The following DIRAS1 variants were observed in gnomAD, a reference collection of about 807,000 sequenced individuals.
DIRAS1 encodes the protein GTP-binding protein Di-Ras1.
Under a neutral mutation model 11.5 loss-of-function variants are expected in DIRAS1, and 3 were observed. That is an observed-to-expected ratio of 0.26 (90% confidence interval 0.12 to 0.67). The LOEUF is 0.67. Among genes scored for constraint, DIRAS1 ranks in the 30% least tolerant of loss-of-function variants. DIRAS1 has a pLI of 0.80. For missense variants in DIRAS1, 212 were observed against 285.3 expected, an observed-to-expected ratio of 0.74 and a Z score of 1.85; for synonymous variants, 128 against 125.8, an observed-to-expected ratio of 1.02 and a Z score of -0.12.
In DIRAS1 at chr19:2,715,106, T is replaced by C. The variant is rs1913753699; in HGVS notation, c.*2104A>G. 4 of 152,198 alleles carry C rather than the reference T, an allele frequency of 2.6e-5. No individual in the cohort carries two copies. The highest frequency in any genetic ancestry group is 2.6e-4 in the Admixed American group (4 of 15,264). The allele number at this position is 152,198 out of a possible 1,614,324, so 9.4% of individuals were successfully genotyped here. On this transcript the variant is annotated 3_prime_UTR_variant, in exon 2 of 2. Transcript: ENST00000323469. ...CACACACGCACGTGTGCACACTCCC[T>C]CTCTCTGAGTGTGTCCAATAAACAT...
In DIRAS1 at chr19:2,716,503, G is replaced by C. The variant is rs1292271178; in HGVS notation, c.*707C>G. On this transcript the variant is annotated 3_prime_UTR_variant, in exon 2 of 2. Coordinates refer to ENST00000323469, the MANE Select transcript of DIRAS1 (RefSeq NM_145173.4). ...CCACGCCCATGGTGCCTCTCCAGCG[G>C]GGCAGTTGTGCTGTGGATGTGGCTG... 1 of 152,404 alleles carries C rather than the reference G, an allele frequency of 6.6e-6. No individual in the cohort carries two copies. Among genetic ancestry groups the C allele is most frequent in the Non-Finnish European group, 1.5e-5 (1 of 68,166 alleles). The allele number at this position is 152,404 out of a possible 1,614,324, so 9.4% of individuals were successfully genotyped here. A position where few individuals can be genotyped will look rare whatever the true frequency, so the allele number is the denominator to read the frequency against.
chr19:2,718,150 G>A lies in DIRAS1; in HGVS notation c.-69-275C>T, dbSNP rs900040500. 2.6e-5 allele frequency among the ~76,000 whole-genome samples: 4 copies of A among 152,244 alleles called. No homozygotes were observed. Among genetic ancestry groups the A allele is most frequent in the African/African-American group, 9.6e-5 (4 of 41,468 alleles). ...GCTAGGAGAGGCGTGGGAGACGCCG[G>A]GATGCCCACGAAACTCCTTCCCCGG... is the stretch of plus-strand genomic sequence containing the variant. On this transcript the variant is annotated intron_variant, in intron 1 of 1. Transcript: ENST00000323469. This position sits in a 1 kb window ranked among gnomAD's most constrained non-coding sequence, Gnocchi z 4.2.
Position 2,717,065 on chromosome 19 carries a change from G to GA in DIRAS1, c.*144dup, listed in dbSNP as rs201814115. 3,758 of 822,382 alleles carry GA rather than the reference G, an allele frequency of 4.6e-3. 118 individuals carry two copies. The African/African-American group carries it at 0.061, about 13-fold the overall frequency. The allele number at this position is 822,382 out of a possible 1,614,324, so 50.9% of individuals were successfully genotyped here. The stretch of plus-strand genomic sequence containing the variant: ...TGCCTCGGGGTGGGCAGGGGCAGCG[G>GA]AGGGGGGGGCGGTGGCCTCGGTTTC... On this transcript the variant is annotated 3_prime_UTR_variant, in exon 2 of 2. Transcript: ENST00000323469.
At position 2,717,003 on chromosome 19, in the gene DIRAS1, T is replaced by G. The variant is rs1599475811; in HGVS notation, c.*207A>C. ...GGAGGGTACAGACAGAACAGGAGGG[T>G]GGAGAGAGAGCAGGGGAGGAAGAAA... On this transcript the variant is annotated 3_prime_UTR_variant, in exon 2 of 2. Coordinates refer to ENST00000323469, the MANE Select transcript of DIRAS1 (RefSeq NM_145173.4). 1.4e-5 allele frequency: 8 copies of G among 573,862 alleles called. No homozygotes were observed. Among genetic ancestry groups the G allele is most frequent in the African/African-American group, 6.3e-5 (3 of 47,448 alleles). The allele number at this position is 573,862 out of a possible 1,614,324, so 35.5% of individuals were successfully genotyped here.
At chr19:2,721,060 G>T (rs536990288) in intron 1 of DIRAS1, among the ~76,000 whole-genome samples, 173 of 150,174 alleles carry the variant, frequency 1.2e-3, no homozygotes, top group Non-Finnish European at 2.0e-3. Flanking sequence ...GGCTCGGCAG[G>T]GGGGCGCCCT....
chr19:2,720,310 C>T (rs1599478028), intron 1 of DIRAS1, among the ~76,000 whole-genome samples: 1 of 152,220 alleles, frequency 6.6e-6, no homozygotes, highest in African/African-American at 2.4e-5. Flanking sequence ...ACTGAAGCTC[C>T]AGCCCCCATG....
chr19:2,717,453 G>C lies in DIRAS1; in HGVS notation c.354C>G (p.Leu118=). Residue 118 remains leucine (L), a synonymous_variant, in exon 2 of 2, where the codon CTC becomes CTG. Coordinates refer to ENST00000323469, the MANE Select transcript of DIRAS1 (RefSeq NM_145173.4). ...KGSVEDIPVM[L]VGNKCDETQR... The stretch of plus-strand genomic sequence containing the variant: ...GCGTCTCATCGCACTTGTTGCCCAC[G>C]AGCATCACGGGGATGTCCTCCACGC... 4 of 1,610,406 alleles carry C rather than the reference G, an allele frequency of 2.5e-6. No individual in the cohort carries two copies. In the South Asian group the frequency reaches 3.3e-5, roughly 13 times the overall value.
Position 2,718,094 on chromosome 19 carries a change from C to G in DIRAS1, c.-69-219G>C, listed in dbSNP as rs1215107270. 6.6e-6 allele frequency among the ~76,000 whole-genome samples: 1 copy of G among 152,256 alleles called. No homozygotes were observed. Among genetic ancestry groups the G allele is most frequent in the Non-Finnish European group, 1.5e-5 (1 of 68,038 alleles). The stretch of plus-strand genomic sequence containing the variant: ...TTTGCTTACTTCTCCCTAACAAAAT[C>G]TGGGGCCTGAGCTTCCCCGGGGGAC... On this transcript the variant is annotated intron_variant, in intron 1 of 1. Transcript: ENST00000323469. This position sits in a 1 kb window ranked among gnomAD's most constrained non-coding sequence, Gnocchi z 4.2.
At chr19:2,720,906 A>G (rs1913936994) in intron 1 of DIRAS1, among the ~76,000 whole-genome samples, 1 of 149,560 alleles carries the variant, frequency 6.7e-6, no homozygotes. Context: ...GGAGAGGAGG[A>G]GCCCACCCCG....
intron 1 of DIRAS1, among the ~76,000 whole-genome samples, chr19:2,720,384 C>G (rs995703897): frequency 1.2e-4 from 18 of 152,238 alleles, no homozygotes; most frequent in African/African-American, 4.3e-4. Flanking sequence ...CACTCAACAG[C>G]CCCGAAGCCC....
Position 2,716,887 on chromosome 19 carries a change from G to A in DIRAS1, c.*323C>T, listed in dbSNP as rs1913817207. 2.9e-6 allele frequency: 1 copy of A among 339,310 alleles called. No homozygotes were observed. The highest frequency in any genetic ancestry group is 5.4e-6 in the Non-Finnish European group (1 of 186,238). The allele number at this position is 339,310 out of a possible 1,614,324, so 21.0% of individuals were successfully genotyped here. On this transcript the variant is annotated 3_prime_UTR_variant, in exon 2 of 2. Transcript: ENST00000323469. ...AAACGGGGAAACGCAGCCTCCTCTG[G>A]TCCTGGTGGGAACAAGCAGCTCCTC...
In DIRAS1 at chr19:2,718,567, C is replaced by G. The variant is rs1410861277; in HGVS notation, c.-69-692G>C. On this transcript the variant is annotated intron_variant, in intron 1 of 1. Transcript: ENST00000323469. This position sits in a 1 kb window ranked among gnomAD's most constrained non-coding sequence, Gnocchi z 4.2. Reference sequence around the variant, plus strand: ...TTAGACAGAGTTTCGCTCTTGCTGCCCAGGCTGGAGTGCAATGGCACAATC... The same window carrying G: ...TTAGACAGAGTTTCGCTCTTGCTGCGCAGGCTGGAGTGCAATGGCACAATC... 6.6e-6 allele frequency among the ~76,000 whole-genome samples: 1 copy of G among 152,120 alleles called. No homozygotes were observed. Among genetic ancestry groups the G allele is most frequent in the African/African-American group, 2.4e-5 (1 of 41,404 alleles).
rs1001900030 is a variant in DIRAS1, at chr19:2,717,022, G to A, written c.*188C>T. 1 of 619,804 alleles carries A rather than the reference G, an allele frequency of 1.6e-6. No homozygotes were observed. Among genetic ancestry groups the A allele is most frequent in the Non-Finnish European group, 2.8e-6 (1 of 358,566 alleles). 38.4% of individuals were successfully genotyped at this position (619,804 alleles called of 1,614,324 possible). A position where few individuals can be genotyped will look rare whatever the true frequency, so the allele number is the denominator to read the frequency against. ...GGAGGGTGGAGAGAGAGCAGGGGAG[G>A]AAGAAAAGCCCCAGCCCTGCCTCGG... On this transcript the variant is annotated 3_prime_UTR_variant, in exon 2 of 2. Coordinates refer to ENST00000323469, the MANE Select transcript of DIRAS1 (RefSeq NM_145173.4).
At chr19:2,720,695 C>G (rs1253220582) in intron 1 of DIRAS1, among the ~76,000 whole-genome samples, 3 of 152,134 alleles carry the variant, frequency 2.0e-5, no homozygotes, top group Non-Finnish European at 4.4e-5. Context: ...AGCTCAGGGT[C>G]AGGAAAGCAG....
rs139157917 is a variant in DIRAS1, at chr19:2,716,103, G to C, written c.*1107C>G. On this transcript the variant is annotated 3_prime_UTR_variant, in exon 2 of 2. Coordinates refer to ENST00000323469, the MANE Select transcript of DIRAS1 (RefSeq NM_145173.4). ...AATACACCATTCCATAGCCACTTCC[G>C]TGTATGTTGGACACAACCCTGTGGG... is the stretch of plus-strand genomic sequence containing the variant. The C allele has an allele frequency of 6.6e-6, 1 of 152,246 alleles. No homozygotes were observed. The highest frequency in any genetic ancestry group is 1.9e-4 in the East Asian group (1 of 5,198). 9.4% of individuals were successfully genotyped at this position (152,246 alleles called of 1,614,324 possible). A position where few individuals can be genotyped will look rare whatever the true frequency, so the allele number is the denominator to read the frequency against.
chr19:2,721,182 C>T (rs1391748028), intron 1 of DIRAS1, 122 bp downstream of exon 1: 4 of 146,916 alleles, frequency 2.7e-5, no homozygotes, highest in Admixed American at 6.7e-5. Flanking sequence ...CGGAGCCACG[C>T]GGGGAAGGGC....
In DIRAS1 at chr19:2,717,410, G is replaced by A. The variant is rs760851941; in HGVS notation, c.397C>T (p.Arg133Cys). 5 of 1,607,684 alleles carry A rather than the reference G, an allele frequency of 3.1e-6. No individual in the cohort carries two copies. Among genetic ancestry groups the A allele is most frequent in the East Asian group, 4.5e-5 (2 of 44,882 alleles). ...CDETQREVDT[R>C]EAQAVAQEWK... The stretch of plus-strand genomic sequence containing the variant: ...TCCTGGGCCACCGCCTGCGCCTCGC[G>A]CGTGTCCACCTCCCGCTGCGTCTCA... The change falls in exon 2 of 2, where the codon CGC (arginine) becomes TGC (cysteine). Residue 133 changes from arginine (R) to cysteine (C), a missense_variant. Physicochemically the swap from Arg to Cys is radical, Grantham distance 180. Transcript: ENST00000323469.
chr19:2,719,189 A>T (rs1913896429), intron 1 of DIRAS1: 1 of 152,206 alleles, frequency 6.6e-6, no homozygotes, highest in South Asian at 2.1e-4. Context: ...GAATCTGAGA[A>T]CCACAATTTG....
rs1185826329 is a variant in DIRAS1, at chr19:2,717,816, G to A, written c.-10C>T. On this transcript the variant is annotated 5_prime_UTR_variant, in exon 2 of 2. Transcript: ENST00000323469. ...TACTCTGTTCCGGCATCTTCCCCGC[G>A]GCGGGTGGGCGGCCGGGGCCGGGAG... 3.2e-6 allele frequency: 5 copies of A among 1,583,524 alleles called. No homozygotes were observed. Among genetic ancestry groups the A allele is most frequent in the East Asian group, 2.2e-5 (1 of 44,478 alleles).
Sources: gnomAD v4.1 joint callset for allele counts (sites outside exome capture counted in the v4.1 genomes callset) on GRCh38, gnomAD v4.1.1 for gene constraint, Gnocchi (gnomAD v3.1) non-coding constraint, MANE v1.5 for transcripts, NCBI Gene and HGNC (gene_info 2026-07-23, HGNC 2026-07-21) for gene names.